Variants in TEX9 observed in about 807,000 individuals in gnomAD.
The protein encoded by TEX9 is testis expressed 9, also known as testis-expressed protein 9.
In TEX9, 74 loss-of-function variants were observed where a neutral mutation model predicts 59.6. The observed-to-expected ratio is 1.24, with a 90% CI of 1.03 to 1.51. The LOEUF is 1.51. Ranked by LOEUF, TEX9 falls within the 40% of genes most tolerant of loss-of-function variation. The pLI, the probability that TEX9 is intolerant of heterozygous loss-of-function variation, is 0.00. For missense variants in TEX9, 522 were observed against 447.8 expected, an observed-to-expected ratio of 1.17 and a Z score of -1.49; for synonymous variants, 186 against 152.2, an observed-to-expected ratio of 1.22 and a Z score of -1.64.
intron 1 of TEX9, among the ~76,000 whole-genome samples, chr15:56,258,615 G>C (rs1313195210): frequency 6.6e-6 from 1 of 151,922 alleles, no homozygotes; most frequent in South Asian, 2.1e-4. Flanking sequence ...AGGAATGCTA[G>C]CGATTTTTGC....
At chr15:56,404,505 G>A (rs559647960) in intron 9 of TEX9, among the ~76,000 whole-genome samples, 5 of 152,166 alleles carry the variant, frequency 3.3e-5, no homozygotes, top group Non-Finnish European at 7.4e-5. Flanking sequence ...AGAGGATGTG[G>A]AGAAATAGGA....
chr15:56,263,171 T>A (rs543870128), intron 1 of TEX9, among the ~76,000 whole-genome samples: 1 of 152,116 alleles, frequency 6.6e-6, no homozygotes, highest in East Asian at 1.9e-4. Context: ...TTACAGTCAT[T>A]TGCCACCATG....
chr15:56,452,694 A>AT, the TEX9 span, among the ~76,000 whole-genome samples: 7 of 151,366 alleles, frequency 4.6e-5, no homozygotes, highest in Non-Finnish European at 7.4e-5. Flanking sequence ...AATTTTTTGT[A>AT]TTTTTAGTAG....
intron 1 of TEX9, among the ~76,000 whole-genome samples, chr15:56,311,277 A>G (rs1273871671): frequency 6.7e-5 from 8 of 118,994 alleles, no homozygotes; most frequent in African/African-American, 2.3e-4. Context: ...ATATCTCCCA[A>G]TGCTATCCCT....
chr15:56,420,393 C>T (rs543527215), intron 10 of TEX9, among the ~76,000 whole-genome samples: 40 of 151,478 alleles, frequency 2.6e-4, no homozygotes, highest in Non-Finnish European at 4.3e-4. Flanking sequence ...CTGCAACCTC[C>T]GCCTCCCAGG....
intron 1 of TEX9, among the ~76,000 whole-genome samples, chr15:56,322,678 G>A (rs1435756125): frequency 1.3e-5 from 2 of 152,132 alleles, no homozygotes; most frequent in East Asian, 1.9e-4. Flanking sequence ...CTCTAGCGAT[G>A]TTCAGGAGCC....
chr15:56,388,298 ATTTTTC>A (rs1484634236), intron 4 of TEX9, among the ~76,000 whole-genome samples, 168 bp from the exon 5 acceptor site: 1 of 151,970 alleles, frequency 6.6e-6, no homozygotes, highest in Non-Finnish European at 1.5e-5. Flanking sequence ...TAACCAAAGC[ATTTTTC>A]TTGTTTATGG....
chr15:56,412,272 A>T lies in TEX9; in HGVS notation c.829-30A>T. On this transcript the variant is annotated intron_variant, in intron 9 of 12. Coordinates refer to ENST00000352903, the Ensembl canonical transcript of TEX9. ...AAGGGGGAAACTATGATATATTTAT[A>T]AATGTTCCATAATCTTTTTTACTAT... is the stretch of plus-strand genomic sequence containing the variant. The T allele has an allele frequency of 2.6e-6, 4 of 1,568,048 alleles. No individual in the cohort carries two copies. The African/African-American group carries it at 5.5e-5, about 22-fold the overall frequency.
intron 9 of TEX9, among the ~76,000 whole-genome samples, chr15:56,401,129 C>CAA: frequency 6.6e-6 from 1 of 151,946 alleles, no homozygotes; most frequent in South Asian, 2.1e-4. Context: ...TCACACATAA[C>CAA]AATATTAACC....
chr15:56,332,498 T>G (rs1407578654), intron 1 of TEX9, among the ~76,000 whole-genome samples: 1 of 149,198 alleles, frequency 6.7e-6, no homozygotes, highest in Non-Finnish European at 1.5e-5. Context: ...AGGGATAGCA[T>G]TGGGAGATAT....
rs151100386 is a variant in TEX9, at chr15:56,300,624, G to A, written c.-107+56346G>A. Reference sequence around the variant, plus strand: ...GCTGGCTTTGGGTCTGACCCAGCACGTTCCCAGTGGTGGCCACAGGGGTGC... The same window carrying A: ...GCTGGCTTTGGGTCTGACCCAGCACATTCCCAGTGGTGGCCACAGGGGTGC... On this transcript the variant is annotated intron_variant, in intron 1 of 5. Coordinates refer to the TEX9 transcript ENST00000560827. 1.1e-3 allele frequency among the ~76,000 whole-genome samples: 164 copies of A among 151,624 alleles called. 1 individual carries two copies. The highest frequency in any genetic ancestry group is 3.8e-3 in the African/African-American group (157 of 41,270).
At chr15:56,376,683 T>A (rs2047469335) in intron 3 of TEX9, among the ~76,000 whole-genome samples, 1 of 152,114 alleles carries the variant, frequency 6.6e-6, no homozygotes. Flanking sequence ...AGTTTGAAAA[T>A]ATTTTCTCCC....
intron 1 of TEX9, among the ~76,000 whole-genome samples, chr15:56,313,426 G>C (rs1289104026): frequency 3.5e-5 from 5 of 144,444 alleles, no homozygotes; most frequent in Admixed American, 7.2e-5. Context: ...TTTGTCTTTG[G>C]TTCTGTTTAT....
chr15:56,417,216 T>C (rs943668449), intron 10 of TEX9, among the ~76,000 whole-genome samples: 2 of 151,922 alleles, frequency 1.3e-5, no homozygotes, highest in Admixed American at 6.6e-5. Flanking sequence ...GCTCTGATTT[T>C]TGTTATTTCT....
At chr15:56,264,517 C>T (rs1358960579) in intron 1 of TEX9, among the ~76,000 whole-genome samples, 1 of 152,160 alleles carries the variant, frequency 6.6e-6, no homozygotes, top group African/African-American at 2.4e-5. Flanking sequence ...ATATTTTTCT[C>T]TCAGTCTGTT....
chr15:56,246,074 C>G (rs1247760610), intron 1 of TEX9, among the ~76,000 whole-genome samples: 2 of 152,138 alleles, frequency 1.3e-5, no homozygotes, highest in Non-Finnish European at 2.9e-5. Context: ...AAGCCGAGAA[C>G]CAAGACGTTT....
intron 4 of TEX9, among the ~76,000 whole-genome samples, chr15:56,386,575 T>C (rs893977615): frequency 6.6e-6 from 1 of 152,004 alleles, no homozygotes; most frequent in Non-Finnish European, 1.5e-5. Flanking sequence ...GTACATCAAT[T>C]ACACATTTTT....
chr15:56,414,851 T>C (rs1166235801), intron 10 of TEX9, among the ~76,000 whole-genome samples: 1 of 151,884 alleles, frequency 6.6e-6, no homozygotes. Context: ...TAATTTACAC[T>C]CCCACCAAGT....
At chr15:56,376,728 T>C (rs1448660235) in intron 3 of TEX9, among the ~76,000 whole-genome samples, 1 of 152,170 alleles carries the variant, frequency 6.6e-6, no homozygotes, top group Non-Finnish European at 1.5e-5. Context: ...TATTGTTTCC[T>C]TCACTGTGCA....
Sources: allele counts gnomAD v4.1 joint callset (sites outside exome capture counted in the v4.1 genomes callset), GRCh38; gene constraint gnomAD v4.1.1; transcripts MANE v1.5; gene names NCBI Gene and HGNC (gene_info 2026-07-23, HGNC 2026-07-21).